Variants in ETNK2 observed in about 807,000 individuals in gnomAD.
The protein encoded by ETNK2 is ethanolamine kinase-like protein.
In ETNK2, 33 loss-of-function variants were observed where a neutral mutation model predicts 46.2. The ratio of observed to expected loss-of-function variants is 0.71; its 90% CI spans 0.54 to 0.96. The LOEUF (loss-of-function observed/expected upper bound fraction) is 0.96. ETNK2 is among the 40% of genes least tolerant of loss of function. The probability of loss-of-function intolerance (pLI) is 0.00; values close to 1 mark genes in which losing one functional copy is unlikely to be tolerated. For missense variants in ETNK2, 445 were observed against 509.7 expected, an observed-to-expected ratio of 0.87 and a Z score of 1.22; for synonymous variants, 194 against 209.0, an observed-to-expected ratio of 0.93 and a Z score of 0.62.
rs1173166593 is a variant in ETNK2 at position 204,150,072 on chromosome 1, A to G, written c.259-110T>C. Reference sequence around the variant, plus strand: ...GGAGGTGCTCATTTGAATGCCGAGCACAACCACCCCAAGCCCCCAGTGCTT... The same window carrying G: ...GGAGGTGCTCATTTGAATGCCGAGCGCAACCACCCCAAGCCCCCAGTGCTT... On this transcript the variant is annotated intron_variant, in intron 1 of 7. Coordinates refer to ENST00000367202, the MANE Select transcript of ETNK2 (RefSeq NM_018208.4). 7.3e-6 allele frequency: 9 copies of G among 1,232,126 alleles called. No homozygotes were observed. The South Asian group carries it at 1.2e-4, about 16-fold the overall frequency. The allele number at this position is 1,232,126 out of a possible 1,614,324, so 76.3% of individuals were successfully genotyped here. A position where few individuals can be genotyped will look rare whatever the true frequency, so the allele number is the denominator to read the frequency against.
chr1:204,148,192 A>G (rs1340852665), intron 2 of ETNK2, among the ~76,000 whole-genome samples: 2 of 152,108 alleles, frequency 1.3e-5, no homozygotes, highest in African/African-American at 4.8e-5. Flanking sequence ...TATCCTGGGA[A>G]AATCATCAAG....
chr1:204,151,388 G>A lies in ETNK2; in HGVS notation c.258+207C>T. ...GCGTGCCTAAGAGCCCCGGGAGGAG[G>A]GGGGCGTGTGCAGGGCCAAGGGAGG... is the stretch of plus-strand genomic sequence containing the variant. On this transcript the variant is annotated intron_variant, in intron 1 of 7. Transcript: ENST00000367202. The surrounding 1 kb of genome is among the most constrained non-coding windows in gnomAD (Gnocchi z 8.0). 1 of 698,758 alleles carries A rather than the reference G, an allele frequency of 1.4e-6. No homozygotes were observed. The allele number at this position is 698,758 out of a possible 1,614,324, so 43.3% of individuals were successfully genotyped here.
chr1:204,150,856 C>T (rs1436643251), intron 1 of ETNK2, among the ~76,000 whole-genome samples: 1 of 152,226 alleles, frequency 6.6e-6, no homozygotes, highest in African/African-American at 2.4e-5. Context: ...CCCAGAATGC[C>T]TGTCTGCATG....
intron 7 of ETNK2, among the ~76,000 whole-genome samples, chr1:204,134,205 C>CCA (rs1488656831): frequency 6.6e-6 from 1 of 152,244 alleles, no homozygotes; most frequent in Non-Finnish European, 1.5e-5. Flanking sequence ...ACGATCCCAT[C>CCA]CACCACCAGG....
chr1:204,140,022 A>G lies in ETNK2; in HGVS notation c.868+13T>C. Reference sequence around the variant, plus strand: ...CGCTACAAAGCACATGACTGTAGAAATGCCCCTCTCACCTGCAAACTCATT... The same window carrying G: ...CGCTACAAAGCACATGACTGTAGAAGTGCCCCTCTCACCTGCAAACTCATT... On this transcript the variant is annotated intron_variant, in intron 5 of 7. Coordinates refer to ENST00000367202, the MANE Select transcript of ETNK2 (RefSeq NM_018208.4). 6.2e-7 allele frequency: 1 copy of G among 1,611,796 alleles called. No individual in the cohort carries two copies. Among genetic ancestry groups the G allele is most frequent in the South Asian group, 1.1e-5 (1 of 91,048 alleles).
rs988933141 is a variant in ETNK2, at chr1:204,141,407, C to T, written c.692G>A (p.Trp231Ter). ...KVEVLERELA[W>*]LKEHLSQLES... ...CAGCTGGGACAGATGCTCCTTCAGC[C>T]AGGCCAGCTCCCGTTCCAACACCTC... The change falls in exon 4 of 8, where the codon TGG (tryptophan) becomes TAG (stop). Residue 231 changes from tryptophan to a stop codon, truncating the protein, a stop_gained. Coordinates refer to ENST00000367202, the MANE Select transcript of ETNK2 (RefSeq NM_018208.4). LOFTEE classifies it high-confidence loss of function. 1 of 1,612,742 alleles carries T rather than the reference C, an allele frequency of 6.2e-7. No individual in the cohort carries two copies. The highest frequency in any genetic ancestry group is 8.5e-7 in the Non-Finnish European group (1 of 1,179,304).
chr1:204,136,720 A>AT (rs1302556231), intron 6 of ETNK2, among the ~76,000 whole-genome samples: 2 of 151,080 alleles, frequency 1.3e-5, no homozygotes, highest in East Asian at 3.9e-4. Context: ...CCTCAAAAAA[A>AT]AAAAAAAAAA....
intron 6 of ETNK2, among the ~76,000 whole-genome samples, chr1:204,136,299 G>C (rs374851895): frequency 1.1e-4 from 17 of 152,046 alleles, no homozygotes; most frequent in African/African-American, 4.1e-4. Flanking sequence ...AGGAGGCTGA[G>C]GTGGGAGGAT....
Position 204,149,883 on chromosome 1 carries a change from A to G in ETNK2, c.338T>C (p.Val113Ala), listed in dbSNP as rs1571636451. 1.3e-6 allele frequency: 2 copies of G among 1,585,988 alleles called. No individual in the cohort carries two copies. Residue 113 changes from valine (V) to alanine (A), a missense_variant, in exon 2 of 8, where the codon GTG becomes GCG. Val to Ala is a moderately conservative substitution (Grantham distance 64, BLOSUM62 0). Coordinates refer to ENST00000367202, the MANE Select transcript of ETNK2 (RefSeq NM_018208.4). ...EDMQDCVLVR[V>A]YGERTELLVD... is the part of the protein sequence containing the mutation. ...CAGCAGCTCCGTCCGCTCCCCATAC[A>G]CCCGGACCAGCACGCAGTCCTGCAT... is the stretch of plus-strand genomic sequence containing the variant.
At chr1:204,135,817 G>A (rs993052849) in intron 6 of ETNK2, among the ~76,000 whole-genome samples, 1 of 152,314 alleles carries the variant, frequency 6.6e-6, no homozygotes, top group South Asian at 2.1e-4. Flanking sequence ...ATTGTATTTA[G>A]CTCTCTTCTG....
chr1:204,148,753 G>A (rs1328856654), intron 2 of ETNK2, among the ~76,000 whole-genome samples: 1 of 152,190 alleles, frequency 6.6e-6, no homozygotes, highest in African/African-American at 2.4e-5. Context: ...TTAAGTGGGT[G>A]GCAGGTGAGG....
intron 2 of ETNK2, chr1:204,147,123 C>T (rs923245818): frequency 7.5e-6 from 3 of 400,224 alleles, no homozygotes; most frequent in Non-Finnish European, 1.5e-5. Context: ...GGGATGGGGG[C>T]GGGGCTGGCC....
At position 204,134,339 on chromosome 1, in the gene ETNK2, T is replaced by G. The variant is rs547326922; in HGVS notation, c.1088+176A>C. On this transcript the variant is annotated intron_variant, in intron 7 of 7. Coordinates refer to ENST00000367202, the MANE Select transcript of ETNK2 (RefSeq NM_018208.4). ...GACACTTCTCTTTTCAGAGTGGTAC[T>G]TTCCTGGCATCCCCTGGGGATAGTG... is the stretch of plus-strand genomic sequence containing the variant. Among the ~76,000 whole-genome samples the G allele has an allele frequency of 3.9e-5, 6 of 152,304 alleles. No individual in the cohort carries two copies. In the South Asian group the frequency reaches 1.0e-3, roughly 26 times the overall value.
intron 7 of ETNK2, 78 bp from the exon 8 acceptor site, chr1:204,132,334 A>C (rs1657108635): frequency 8.6e-7 from 1 of 1,164,656 alleles, no homozygotes; most frequent in African/African-American, 1.6e-5. Context: ...ACATCATGAG[A>C]AAAGTTTTTC....
intron 5 of ETNK2, 37 bp from the exon 6 acceptor site, chr1:204,137,286 A>AT: frequency 6.2e-7 from 1 of 1,607,020 alleles, no homozygotes; most frequent in Non-Finnish European, 8.5e-7. Flanking sequence ...TTGCTCAGAG[A>AT]TGGGCCCACC....
At position 204,134,820 on chromosome 1, in the gene ETNK2, C is replaced by G. The variant is rs565800249; in HGVS notation, c.1015-232G>C. ...GTGGGCAGAGCTAGTTCTACCGAGG[C>G]CCTAATGTTTACCAACCCTAAGGCA... is the stretch of plus-strand genomic sequence containing the variant. On this transcript the variant is annotated intron_variant, in intron 6 of 7. Transcript: ENST00000367202. 137 of 951,030 alleles carry G rather than the reference C, an allele frequency of 1.4e-4. No homozygotes were observed. The Middle Eastern group carries it at 4.8e-3, about 33-fold the overall frequency. The allele number at this position is 951,030 out of a possible 1,614,324, so 58.9% of individuals were successfully genotyped here. A position where few individuals can be genotyped will look rare whatever the true frequency, so the allele number is the denominator to read the frequency against.
At chr1:204,146,143 T>G (rs61443399) in intron 3 of ETNK2, among the ~76,000 whole-genome samples, 16,596 of 152,092 alleles carry the variant, frequency 0.11, 1,072 homozygotes, top group African/African-American at 0.18. Flanking sequence ...AGCAGGAACC[T>G]CGATGTCCCC....
Position 204,151,892 on chromosome 1 carries a change from A to C in ETNK2, c.-40T>G. ...CCCCCTCGGAGCCGCGGCAGACGCT[A>C]GCCCCGGCGGGGGGGTCCGGCGAGG... On this transcript the variant is annotated 5_prime_UTR_variant, in exon 1 of 8. It removes the in-frame stop codon of an upstream open reading frame in the 5' UTR. Coordinates refer to ENST00000367202, the MANE Select transcript of ETNK2 (RefSeq NM_018208.4). The surrounding 1 kb of genome is among the most constrained non-coding windows in gnomAD (Gnocchi z 8.0). 1 of 1,409,274 alleles carries C rather than the reference A, an allele frequency of 7.1e-7. No homozygotes were observed. The highest frequency in any genetic ancestry group is 9.2e-7 in the Non-Finnish European group (1 of 1,088,266). 87.3% of individuals were successfully genotyped at this position (1,409,274 alleles called of 1,614,324 possible).
chr1:204,150,088 C>T, intron 1 of ETNK2, 126 bp from the exon 2 acceptor site: 1 of 1,064,840 alleles, frequency 9.4e-7, no homozygotes, highest in Non-Finnish European at 1.4e-6. Flanking sequence ...ACCCCAAGCC[C>T]CCAGTGCTTT....
Sources: gnomAD v4.1 joint callset for allele counts (sites outside exome capture counted in the v4.1 genomes callset) on GRCh38, gnomAD v4.1.1 for gene constraint, Gnocchi (gnomAD v3.1) non-coding constraint, MANE v1.5 for transcripts, NCBI Gene and HGNC (gene_info 2026-07-23, HGNC 2026-07-21) for gene names.